The following ATXN1 variants were observed in gnomAD, a reference collection of about 807,000 sequenced individuals.
The protein encoded by ATXN1 is ataxin-1.
In ATXN1, 8 loss-of-function variants were observed where a neutral mutation model predicts 56.4. The observed-to-expected ratio is 0.14, with a 90% CI of 0.08 to 0.26. The LOEUF is 0.26. Ranked by LOEUF, ATXN1 falls within the 10% of genes least tolerant of loss-of-function variation. The pLI is 1.00. For missense variants in ATXN1, 987 were observed against 1,106.5 expected, an observed-to-expected ratio of 0.89 and a Z score of 1.53; for synonymous variants, 514 against 494.6, an observed-to-expected ratio of 1.04 and a Z score of -0.52.
At chr6:16,618,226 A>T (rs551187669) in intron 3 of ATXN1, among the ~76,000 whole-genome samples, 74 of 152,278 alleles carry the variant, frequency 4.9e-4, no homozygotes, top group Admixed American at 3.4e-3. Context: ...GAACACATGG[A>T]CACAGAGAGG....
chr6:16,712,455 T>G (rs554036355), intron 2 of ATXN1, among the ~76,000 whole-genome samples: 1 of 151,728 alleles, frequency 6.6e-6, no homozygotes, highest in Non-Finnish European at 1.5e-5. Flanking sequence ...AGAAGAGAAA[T>G]AGAGAAGACT....
intron 2 of ATXN1, among the ~76,000 whole-genome samples, chr6:16,703,718 A>G (rs1472919158): frequency 6.6e-6 from 1 of 152,242 alleles, no homozygotes; most frequent in East Asian, 1.9e-4. Context: ...TGAAATGCAT[A>G]TTTAAAAATG....
intron 4 of ATXN1, among the ~76,000 whole-genome samples, chr6:16,543,055 C>T (rs771913283): frequency 6.6e-6 from 1 of 152,094 alleles, no homozygotes; most frequent in Non-Finnish European, 1.5e-5. Context: ...TCACAGGGAA[C>T]GGAACACATT....
chr6:16,547,735 C>G (rs184236380), intron 4 of ATXN1, among the ~76,000 whole-genome samples: 6 of 152,246 alleles, frequency 3.9e-5, no homozygotes, highest in Admixed American at 3.9e-4. Context: ...AGTCTTTACA[C>G]GGTAATAGCC....
At chr6:16,314,868 C>A (rs910949787) in intron 7 of ATXN1, among the ~76,000 whole-genome samples, 1 of 152,050 alleles carries the variant, frequency 6.6e-6, no homozygotes, top group Non-Finnish European at 1.5e-5. Context: ...GCCTTGGCCT[C>A]CTAAAGTGCT....
chr6:16,465,820 G>A (rs1760092786), intron 6 of ATXN1, among the ~76,000 whole-genome samples: 2 of 152,160 alleles, frequency 1.3e-5, no homozygotes, highest in Admixed American at 6.5e-5. Flanking sequence ...TCAAAATGAT[G>A]TACCAAGAGG....
At chr6:16,741,312 G>GT (rs1025913219) in intron 2 of ATXN1, among the ~76,000 whole-genome samples, 1 of 152,144 alleles carries the variant, frequency 6.6e-6, no homozygotes, top group African/African-American at 2.4e-5. Flanking sequence ...GATAACTGTG[G>GT]TTTTAAAGGC....
At chr6:16,324,580 G>A (rs1052368175) in intron 7 of ATXN1, among the ~76,000 whole-genome samples, 1 of 152,030 alleles carries the variant, frequency 6.6e-6, no homozygotes, top group Non-Finnish European at 1.5e-5. Flanking sequence ...GCTGGAAGGA[G>A]GCTCTGTCCC....
chr6:16,646,176 G>C (rs990175854), intron 3 of ATXN1, among the ~76,000 whole-genome samples: 7 of 152,106 alleles, frequency 4.6e-5, no homozygotes, highest in African/African-American at 1.4e-4. Context: ...GAGCTATGAT[G>C]ATACCACTGT....
chr6:16,696,671 C>CT (rs1759172604), intron 2 of ATXN1, among the ~76,000 whole-genome samples: 1 of 152,110 alleles, frequency 6.6e-6, no homozygotes, highest in African/African-American at 2.4e-5. Flanking sequence ...TTGAGGAACT[C>CT]TTAAGAATTA....
chr6:16,653,417 G>A (rs1318714561), intron 3 of ATXN1, among the ~76,000 whole-genome samples: 1 of 152,198 alleles, frequency 6.6e-6, no homozygotes, highest in East Asian at 1.9e-4. Flanking sequence ...CCGCTCTTCT[G>A]CCACCAAAAC....
At chr6:16,568,893 T>C (rs1467794031) in intron 4 of ATXN1, among the ~76,000 whole-genome samples, 1 of 152,200 alleles carries the variant, frequency 6.6e-6, no homozygotes, top group Non-Finnish European at 1.5e-5. Flanking sequence ...GAGAGAGGAA[T>C]GGGGACATGA....
At chr6:16,496,457 G>T (rs1243196446) in intron 5 of ATXN1, among the ~76,000 whole-genome samples, 1 of 152,154 alleles carries the variant, frequency 6.6e-6, no homozygotes, top group Non-Finnish European at 1.5e-5. Flanking sequence ...TTGGAGCACA[G>T]ATCCATCGTG....
Position 16,600,389 on chromosome 6 carries a change from C to CT in ATXN1, c.-488-14483dup, listed in dbSNP as rs370515532. 3.8e-4 allele frequency among the ~76,000 whole-genome samples: 58 copies of CT among 152,254 alleles called. No individual in the cohort carries two copies. The Middle Eastern group carries it at 0.01, about 27-fold the overall frequency. On this transcript the variant is annotated intron_variant, in intron 3 of 7. Transcript: ENST00000436367. Reference sequence around the variant, plus strand: ...TAATAATGTTAAATAGCAGGCATAACTTTTTTTGAAAATTTCTCCGTGATA... The same window carrying CT: ...TAATAATGTTAAATAGCAGGCATAACTTTTTTTTGAAAATTTCTCCGTGATA...
chr6:16,731,649 T>C (rs1359181608), intron 2 of ATXN1, among the ~76,000 whole-genome samples: 2 of 151,872 alleles, frequency 1.3e-5, no homozygotes, highest in African/African-American at 2.4e-5. Flanking sequence ...ACTAGAAGAT[T>C]ACTTGATCAA....
At chr6:16,501,191 A>G (rs1390822667) in intron 5 of ATXN1, among the ~76,000 whole-genome samples, 1 of 152,206 alleles carries the variant, frequency 6.6e-6, no homozygotes, top group Non-Finnish European at 1.5e-5. Context: ...CAGTTCTGCC[A>G]TTGTTCACAG....
chr6:16,757,355 T>C (rs958971268), intron 1 of ATXN1, among the ~76,000 whole-genome samples: 1 of 152,248 alleles, frequency 6.6e-6, no homozygotes, highest in Non-Finnish European at 1.5e-5. Context: ...AAAATATATG[T>C]TCACATTTTA....
Position 16,306,615 on chromosome 6 carries a change from T to C in ATXN1, c.2162A>G (p.His721Arg), listed in dbSNP as rs932850300. 6.2e-7 allele frequency: 1 copy of C among 1,614,268 alleles called. No individual in the cohort carries two copies. The highest frequency in any genetic ancestry group is 8.5e-7 in the Non-Finnish European group (1 of 1,180,056). ...TCCGTTTTCCTGCTCGGCATACCTG[T>C]GTCTGCTGCCCGCCAGGCCGTCGGC... ...SKADGLAGSR[H>R]RYAEQENGIN... Residue 721 changes from histidine to arginine, a missense_variant, in exon 8 of 8, where the codon CAC becomes CGC. This residue lies in a region of ATXN1 where 196 missense variants were observed against 196.7 expected (regional missense o/e 1.00). Transcript: ENST00000436367. This position sits in a 1 kb window ranked among gnomAD's most constrained non-coding sequence, Gnocchi z 5.2.
chr6:16,354,662 T>TAA (rs908060340), intron 6 of ATXN1, among the ~76,000 whole-genome samples: 42 of 152,300 alleles, frequency 2.8e-4, no homozygotes, highest in African/African-American at 8.7e-4. Context: ...ATTTAGAGGA[T>TAA]AATATAATTA....
Sources: allele counts gnomAD v4.1 joint callset (sites outside exome capture counted in the v4.1 genomes callset), GRCh38; gene constraint gnomAD v4.1.1; regional missense constraint gnomAD v4.1.1; non-coding constraint Gnocchi (gnomAD v3.1); transcripts MANE v1.5; gene names NCBI Gene and HGNC (gene_info 2026-07-23, HGNC 2026-07-21).